The following UQCC1 variants were observed in gnomAD, a reference collection of about 807,000 sequenced individuals.
UQCC1 encodes ubiquinol-cytochrome c reductase complex assembly factor 1, also known as bFGF-repressed Zic-binding protein.
UQCC1 carries 38 observed loss-of-function variants against 48.0 expected under a neutral mutation model. That is an observed-to-expected ratio of 0.79 (90% CI 0.61 to 1.04). The LOEUF is 1.04. UQCC1 is among the 50% of genes least tolerant of loss of function. UQCC1 has a pLI of 0.00. For synonymous variants in UQCC1, 111 were observed against 129.2 expected, an observed-to-expected ratio of 0.86 and a Z score of 0.95; for missense variants, 368 against 381.8, an observed-to-expected ratio of 0.96 and a Z score of 0.30.
In UQCC1 at chr20:35,402,853, C is replaced by T. The variant is rs180771939; in HGVS notation, c.25-8657G>A. Among the ~76,000 whole-genome samples, 102 of 151,662 alleles carry T rather than the reference C, an allele frequency of 6.7e-4. 1 individual carries two copies. The highest frequency in any genetic ancestry group is 2.2e-3 in the African/African-American group (92 of 41,406). On this transcript the variant is annotated intron_variant, in intron 1 of 9. Transcript: ENST00000374385. ...GGCCGAGGCAGGCGGACTGCCTGAG[C>T]TCAGGAGTTTGCAACCAGCCTGGGC...
At chr20:35,313,919 T>C (rs756691375) in intron 8 of UQCC1, among the ~76,000 whole-genome samples, 2 of 151,726 alleles carry the variant, frequency 1.3e-5, no homozygotes, top group Non-Finnish European at 2.9e-5. Flanking sequence ...GGTCTTCTGA[T>C]TTCTATTTCA....
chr20:35,341,774 T>C (rs147538470), intron 7 of UQCC1, among the ~76,000 whole-genome samples: 1 of 152,142 alleles, frequency 6.6e-6, no homozygotes, highest in African/African-American at 2.4e-5. Flanking sequence ...TCTAGGTGTA[T>C]GCATGGAGTG....
intron 6 of UQCC1, 84 bp from the exon 7 acceptor site, chr20:35,347,356 AGT>A (rs2061442891): frequency 5.2e-6 from 8 of 1,544,334 alleles, no homozygotes; most frequent in Admixed American, 1.7e-5. Flanking sequence ...CTCATCTAAG[AGT>A]GAGTTTAGCA....
intron 1 of UQCC1, among the ~76,000 whole-genome samples, chr20:35,404,869 G>C (rs1418228253): frequency 6.6e-6 from 1 of 152,140 alleles, no homozygotes; most frequent in Non-Finnish European, 1.5e-5. Context: ...TGATTAACAG[G>C]TGGAGAAAAC....
chr20:35,352,614 C>A (rs1003603649), intron 6 of UQCC1, among the ~76,000 whole-genome samples: 2 of 152,164 alleles, frequency 1.3e-5, no homozygotes, highest in African/African-American at 4.8e-5. Flanking sequence ...AGAAAAATTC[C>A]TATCACCTGG....
At position 35,347,335 on chromosome 20, in the gene UQCC1, C is replaced by G. The variant is rs144735493; in HGVS notation, c.465-63G>C. 4 of 1,590,504 alleles carry G rather than the reference C, an allele frequency of 2.5e-6. No individual in the cohort carries two copies. In the East Asian group the frequency reaches 9.0e-5, roughly 36 times the overall value. ...GCATTTTTCACATCACACATTTCCA[C>G]TGAAGGTCTCCTCATCTAAGAGTGA... On this transcript the variant is annotated intron_variant, in intron 6 of 9. Transcript: ENST00000374385.
At chr20:35,333,680 C>A (rs2061283650) in intron 7 of UQCC1, among the ~76,000 whole-genome samples, 1 of 152,174 alleles carries the variant, frequency 6.6e-6, no homozygotes, top group South Asian at 2.1e-4. Context: ...CCCCTGACAC[C>A]AAACTACTGC....
chr20:35,328,732 C>T (rs898169951), intron 7 of UQCC1, among the ~76,000 whole-genome samples: 4 of 152,190 alleles, frequency 2.6e-5, no homozygotes, highest in Non-Finnish European at 4.4e-5. Flanking sequence ...TCTCTCAGGA[C>T]CTTGGGGCTC....
At chr20:35,394,654 T>G (rs888908137) in intron 1 of UQCC1, among the ~76,000 whole-genome samples, 1 of 152,158 alleles carries the variant, frequency 6.6e-6, no homozygotes, top group African/African-American at 2.4e-5. Context: ...AAACTCTTTT[T>G]TCTATACTCA....
chr20:35,390,090 T>G (rs1429588423), intron 2 of UQCC1, among the ~76,000 whole-genome samples: 1 of 152,118 alleles, frequency 6.6e-6, no homozygotes, highest in Non-Finnish European at 1.5e-5. Flanking sequence ...GAACAAAAAC[T>G]GTATGAGTCC....
At position 35,380,952 on chromosome 20, in the gene UQCC1, G is replaced by A. The variant is rs981560793; in HGVS notation, c.333+966C>T. 7.2e-5 allele frequency among the ~76,000 whole-genome samples: 11 copies of A among 152,112 alleles called. No homozygotes were observed. The South Asian group carries it at 1.0e-3, about 14-fold the overall frequency. ...GGCATCATGTCTAAAAACTCCAAAC[G>A]TTTTAGATTTTGAATTTCCAATTTT... On this transcript the variant is annotated intron_variant, in intron 4 of 9. Coordinates refer to ENST00000374385, the MANE Select transcript of UQCC1 (RefSeq NM_018244.5).
At chr20:35,349,661 A>C (rs540737076) in intron 6 of UQCC1, among the ~76,000 whole-genome samples, 1 of 152,138 alleles carries the variant, frequency 6.6e-6, no homozygotes, top group Admixed American at 6.6e-5. Flanking sequence ...GAAAAACAGG[A>C]AAGTTGACTT....
At chr20:35,388,849 G>A (rs1309835913) in intron 2 of UQCC1, among the ~76,000 whole-genome samples, 1 of 152,152 alleles carries the variant, frequency 6.6e-6, no homozygotes, top group African/African-American at 2.4e-5. Context: ...AGGATCACCT[G>A]AGGTCAGGAG....
chr20:35,322,658 G>A (rs554643789), intron 7 of UQCC1, among the ~76,000 whole-genome samples: 2 of 152,118 alleles, frequency 1.3e-5, no homozygotes, highest in Admixed American at 6.5e-5. Context: ...CATTGAACCC[G>A]AGAGGCAGAA....
chr20:35,370,726 T>G (rs2061720982), intron 5 of UQCC1, among the ~76,000 whole-genome samples: 1 of 152,340 alleles, frequency 6.6e-6, no homozygotes, highest in South Asian at 2.1e-4. Context: ...CTATAATTAG[T>G]ATAAACATCA....
At chr20:35,351,166 G>A (rs932225476) in intron 6 of UQCC1, among the ~76,000 whole-genome samples, 2 of 152,050 alleles carry the variant, frequency 1.3e-5, no homozygotes, top group East Asian at 1.9e-4. Flanking sequence ...TGAGGTGAGC[G>A]GATTACTTGA....
At chr20:35,323,577 G>C (rs2061156436) in intron 7 of UQCC1, among the ~76,000 whole-genome samples, 1 of 152,150 alleles carries the variant, frequency 6.6e-6, no homozygotes, top group Non-Finnish European at 1.5e-5. Context: ...ACTTAAGAAT[G>C]AACATGGAGA....
chr20:35,400,572 T>G (rs2062149375), intron 1 of UQCC1, among the ~76,000 whole-genome samples: 1 of 151,330 alleles, frequency 6.6e-6, no homozygotes, highest in Non-Finnish European at 1.5e-5. Context: ...CTCAGCTCAC[T>G]GCAAGCTCCG....
chr20:35,326,263 G>A (rs1337935226), intron 7 of UQCC1, among the ~76,000 whole-genome samples: 1 of 152,184 alleles, frequency 6.6e-6, no homozygotes, highest in African/African-American at 2.4e-5. Flanking sequence ...GAGGAAAGGG[G>A]AGGCCATGAC....
Sources: allele counts gnomAD v4.1 joint callset (sites outside exome capture counted in the v4.1 genomes callset), GRCh38; gene constraint gnomAD v4.1.1; transcripts MANE v1.5; gene names NCBI Gene and HGNC (gene_info 2026-07-23, HGNC 2026-07-21).